The following TCAIM variants were observed in gnomAD, a reference collection of about 807,000 sequenced individuals.
TCAIM encodes the protein T-cell activation inhibitor, mitochondrial.
A neutral mutation model predicts 58.6 loss-of-function variants in TCAIM; 36 were observed. That is an observed-to-expected ratio of 0.61 (90% confidence interval 0.47 to 0.81). TCAIM has a LOEUF of 0.81. TCAIM is among the 30% of genes least tolerant of loss of function. TCAIM has a pLI of 0.00. For synonymous variants in TCAIM, 172 were observed against 193.6 expected, an observed-to-expected ratio of 0.89 and a Z score of 0.93; for missense variants, 466 against 579.6, an observed-to-expected ratio of 0.80 and a Z score of 2.01.
intron 10 of TCAIM, among the ~76,000 whole-genome samples, chr3:44,403,808 C>A (rs901412139): frequency 6.6e-6 from 1 of 152,114 alleles, no homozygotes; most frequent in Non-Finnish European, 1.5e-5. Context: ...AGAAACTCAC[C>A]TCTTCTCCTT....
intron 3 of TCAIM, chr3:44,358,238 C>A (rs1701235885): frequency 1.3e-6 from 2 of 1,513,394 alleles, no homozygotes; most frequent in Non-Finnish European, 1.8e-6. Flanking sequence ...GAAGAGTTTT[C>A]AATGCCCTAG....
chr3:44,389,971 G>A (rs1701806926), intron 5 of TCAIM, among the ~76,000 whole-genome samples: 1 of 152,020 alleles, frequency 6.6e-6, no homozygotes, highest in Non-Finnish European at 1.5e-5. Context: ...CACCTACCTG[G>A]AAAGATCTGA....
chr3:44,394,464 G>GA (rs1283175986), intron 6 of TCAIM, among the ~76,000 whole-genome samples: 2 of 152,102 alleles, frequency 1.3e-5, no homozygotes, highest in East Asian at 3.9e-4. Flanking sequence ...TTTTCTAATA[G>GA]AAATTTTAAA....
At chr3:44,379,461 A>G (rs1181451796) in intron 5 of TCAIM, among the ~76,000 whole-genome samples, 5 of 152,160 alleles carry the variant, frequency 3.3e-5, no homozygotes, top group Non-Finnish European at 7.3e-5. Context: ...AAAAACATGG[A>G]ATCAACCTCA....
intron 5 of TCAIM, among the ~76,000 whole-genome samples, chr3:44,373,864 G>A (rs943972040): frequency 3.3e-5 from 5 of 152,040 alleles, no homozygotes; most frequent in African/African-American, 1.2e-4. Flanking sequence ...GTATTTGAGA[G>A]GAGCTAACCA....
At chr3:44,357,383 T>C (rs1701214931) in intron 2 of TCAIM, among the ~76,000 whole-genome samples, 1 of 38,500 alleles carries the variant, frequency 2.6e-5, no homozygotes, top group African/African-American at 5.9e-5. Context: ...TATAGACAGA[T>C]ATATATAGAA....
intron 10 of TCAIM, 119 bp downstream of exon 10, chr3:44,401,453 T>A (rs1187733906): frequency 1.6e-6 from 2 of 1,234,170 alleles, no homozygotes; most frequent in Admixed American, 2.6e-5. Flanking sequence ...ATTGACTAAT[T>A]ATTAGATATT....
At position 44,404,150 on chromosome 3, in the gene TCAIM, C is replaced by T. The variant is rs554451213; in HGVS notation, c.1250+2816C>T. ...GGCACTCCTTCCTCAGAAATCTCAG[C>T]TTCCTCAGGCCCTGCTCACATTCCA... On this transcript the variant is annotated intron_variant, in intron 10 of 10. Coordinates refer to ENST00000342649, the MANE Select transcript of TCAIM (RefSeq NM_173826.4). Among the ~76,000 whole-genome samples, 269 of 152,254 alleles carry T rather than the reference C, an allele frequency of 1.8e-3. 1 individual carries two copies. Among genetic ancestry groups the T allele is most frequent in the Non-Finnish European group, 3.4e-3 (232 of 68,012 alleles).
intron 5 of TCAIM, among the ~76,000 whole-genome samples, chr3:44,369,417 A>G (rs1252879900): frequency 6.6e-6 from 1 of 152,222 alleles, no homozygotes; most frequent in African/African-American, 2.4e-5. Context: ...AGAAGAATGT[A>G]TTAAAGGATT....
chr3:44,374,728 C>G (rs984610951), intron 5 of TCAIM, among the ~76,000 whole-genome samples: 11 of 152,010 alleles, frequency 7.2e-5, no homozygotes, highest in Non-Finnish European at 1.6e-4. Flanking sequence ...ACCACTGTAC[C>G]CCAGCCTGGG....
chr3:44,370,831 T>A (rs1701455918), intron 5 of TCAIM, among the ~76,000 whole-genome samples: 2 of 150,956 alleles, frequency 1.3e-5, no homozygotes, highest in South Asian at 4.2e-4. Flanking sequence ...AGCCTCAAAC[T>A]CCTGGGCTCA....
chr3:44,386,662 G>A (rs1028612735), intron 5 of TCAIM, among the ~76,000 whole-genome samples: 1 of 152,246 alleles, frequency 6.6e-6, no homozygotes, highest in Non-Finnish European at 1.5e-5. Context: ...CAGAGCCTGG[G>A]CACTGTCACG....
intron 3 of TCAIM, chr3:44,358,174 C>G (rs972784605): frequency 1.3e-6 from 2 of 1,545,262 alleles, no homozygotes; most frequent in African/African-American, 2.8e-5. Context: ...AACTTGAGAC[C>G]TTTATTATCA....
intron 9 of TCAIM, 30 bp downstream of exon 9, chr3:44,400,617 T>C: frequency 6.4e-7 from 1 of 1,572,464 alleles, no homozygotes; most frequent in Non-Finnish European, 8.7e-7. Flanking sequence ...GGATTACTTT[T>C]ATTCCTTCGT....
At chr3:44,371,616 G>A (rs927219032) in intron 5 of TCAIM, among the ~76,000 whole-genome samples, 1 of 152,104 alleles carries the variant, frequency 6.6e-6, no homozygotes, top group Non-Finnish European at 1.5e-5. Flanking sequence ...TATAATACCT[G>A]TACTCATCTG....
chr3:44,396,375 A>G (rs752929524), intron 6 of TCAIM, 25 bp from the exon 7 acceptor site: 25 of 1,597,146 alleles, frequency 1.6e-5, no homozygotes, highest in African/African-American at 2.7e-5. Flanking sequence ...ACTTGTTAAC[A>G]TGAGTGTGTG....
intron 3 of TCAIM, among the ~76,000 whole-genome samples, chr3:44,359,972 G>A (rs1701269060): frequency 6.6e-6 from 1 of 152,080 alleles, no homozygotes; most frequent in Non-Finnish European, 1.5e-5. Flanking sequence ...CCTTGCCCTA[G>A]CTGCTGCCTC....
At chr3:44,396,060 G>A (rs371851946) in intron 6 of TCAIM, among the ~76,000 whole-genome samples, 6 of 152,166 alleles carry the variant, frequency 3.9e-5, no homozygotes, top group African/African-American at 7.2e-5. Context: ...CAAAACCATC[G>A]TCATTGTAAC....
At chr3:44,363,105 G>C (rs959787425) in intron 4 of TCAIM, 9 of 152,180 alleles carry the variant, frequency 5.9e-5, no homozygotes, top group African/African-American at 2.2e-4. Context: ...TAGTGCTTCT[G>C]CTACCACTCT....
Sources: gnomAD v4.1 joint callset for allele counts (sites outside exome capture counted in the v4.1 genomes callset) on GRCh38, gnomAD v4.1.1 for gene constraint, MANE v1.5 for transcripts, NCBI Gene and HGNC (gene_info 2026-07-23, HGNC 2026-07-21) for gene names.